ARIH1: variants seen among roughly 807,000 people sequenced by gnomAD.
The protein encoded by ARIH1 is E3 ubiquitin-protein ligase ARIH1.
Under a neutral mutation model 85.0 loss-of-function variants are expected in ARIH1, and 8 were observed. The ratio of observed to expected loss-of-function variants is 0.09; its 90% CI spans 0.06 to 0.17. ARIH1 has a LOEUF of 0.17. ARIH1 is among the 10% of genes least tolerant of loss of function. The pLI is 1.00. For synonymous variants in ARIH1, 238 were observed against 253.6 expected, an observed-to-expected ratio of 0.94 and a Z score of 0.59; for missense variants, 311 against 718.1, an observed-to-expected ratio of 0.43 and a Z score of 6.48.
At chr15:72,476,172 CTAT>C (rs1340942660) in intron 1 of ARIH1, among the ~76,000 whole-genome samples, 1 of 152,016 alleles carries the variant, frequency 6.6e-6, no homozygotes, top group Non-Finnish European at 1.5e-5. Context: ...CGTTGACTTT[CTAT>C]TATTAACTGA....
chr15:72,573,034 A>G (rs531512082), intron 11 of ARIH1, among the ~76,000 whole-genome samples: 1 of 152,304 alleles, frequency 6.6e-6, no homozygotes, highest in East Asian at 1.9e-4. Context: ...TAGTTCCTAC[A>G]TTCACCCATT....
chr15:72,510,986 T>G (rs1482259237), intron 1 of ARIH1, among the ~76,000 whole-genome samples: 1 of 151,062 alleles, frequency 6.6e-6, no homozygotes, highest in African/African-American at 2.5e-5. Flanking sequence ...ATATAAAATT[T>G]AGAATCACTT....
Position 72,563,427 on chromosome 15 carries a change from G to C in ARIH1, c.838G>C (p.Asp280His), listed in dbSNP as rs1218416217. 1 of 1,613,950 alleles carries C rather than the reference G, an allele frequency of 6.2e-7. No homozygotes were observed. Among genetic ancestry groups the C allele is most frequent in the Non-Finnish European group, 8.5e-7 (1 of 1,179,998 alleles). ...NRLLKWCPAP[D>H]CHHVVKVQYP... The stretch of plus-strand genomic sequence containing the variant: ...ACTGTTAAAGTGGTGTCCTGCCCCA[G>C]ATTGCCACCATGTTGTTAAAGTCCA... Residue 280 changes from aspartate (D) to histidine (H), a missense_variant, in exon 7 of 14, where the codon GAT becomes CAT. By Grantham distance (81) the Asp-to-His change is moderately conservative. This residue lies in a region of ARIH1 where 104 missense variants were observed against 221.4 expected (regional missense o/e 0.47). Transcript: ENST00000379887.
chr15:72,532,882 T>G (rs2064063903), intron 2 of ARIH1, among the ~76,000 whole-genome samples: 1 of 152,214 alleles, frequency 6.6e-6, no homozygotes. Context: ...TGCTTCATGA[T>G]TTTAAAAAGA....
At chr15:72,519,500 T>G (rs1313793917) in intron 2 of ARIH1, among the ~76,000 whole-genome samples, 1 of 72,982 alleles carries the variant, frequency 1.4e-5, no homozygotes, top group Admixed American at 1.7e-4. Context: ...TTTTTTTTTT[T>G]GAGACGGAGT....
chr15:72,515,468 G>T (rs2063971040), intron 1 of ARIH1, among the ~76,000 whole-genome samples: 1 of 152,166 alleles, frequency 6.6e-6, no homozygotes, highest in Non-Finnish European at 1.5e-5. Context: ...TCAGTTTTTT[G>T]TTTTTTGTAT....
Position 72,581,007 on chromosome 15 carries a change from G to C in ARIH1, c.1476+16G>C. 1 of 1,605,492 alleles carries C rather than the reference G, an allele frequency of 6.2e-7. No individual in the cohort carries two copies. The highest frequency in any genetic ancestry group is 8.5e-7 in the Non-Finnish European group (1 of 1,174,322). ...TATCTTTGAGGTAGGAGTAGTTCTG[G>C]GTGAGGAAAAAGCCCACCTTGTATC... On this transcript the variant is annotated intron_variant, in intron 12 of 13. Coordinates refer to ENST00000379887, the MANE Select transcript of ARIH1 (RefSeq NM_005744.5).
Position 72,582,961 on chromosome 15 carries a change from G to A in ARIH1, c.1590-247G>A, listed in dbSNP as rs990701587. ...TGATTTCTAAGGTCCATCAGAACTT[G>A]TAACACTTTATTGCTTTAAAATTAA... On this transcript the variant is annotated intron_variant, in intron 13 of 13. Coordinates refer to ENST00000379887, the MANE Select transcript of ARIH1 (RefSeq NM_005744.5). This position sits in a 1 kb window ranked among gnomAD's most constrained non-coding sequence, Gnocchi z 4.6. Among the ~76,000 whole-genome samples the A allele has an allele frequency of 1.3e-5, 2 of 152,160 alleles. No homozygotes were observed. The highest frequency in any genetic ancestry group is 4.8e-5 in the African/African-American group (2 of 41,436).
chr15:72,539,892 G>C lies in ARIH1; in HGVS notation c.444-4928G>C, dbSNP rs79675102. Among the ~76,000 whole-genome samples, 32 of 152,246 alleles carry C rather than the reference G, an allele frequency of 2.1e-4. No individual in the cohort carries two copies. The East Asian group carries it at 6.2e-3, about 29-fold the overall frequency. On this transcript the variant is annotated intron_variant, in intron 2 of 13. Transcript: ENST00000379887. ...GAACACATTTAAACATTAGAATTAT[G>C]TCTAAGTAGTTGGAGGTGATCAAGT...
Position 72,548,388 on chromosome 15 carries a change from A to G in ARIH1, c.588+3424A>G, listed in dbSNP as rs565123799. ...AAAAGATTTAAAAAGTTAATTTGAA[A>G]TGAAATGAAGGAGTGAGGTAGGATG... On this transcript the variant is annotated intron_variant, in intron 3 of 13. Coordinates refer to ENST00000379887, the MANE Select transcript of ARIH1 (RefSeq NM_005744.5). Among the ~76,000 whole-genome samples, 6 of 152,320 alleles carry G rather than the reference A, an allele frequency of 3.9e-5. No individual in the cohort carries two copies. The East Asian group carries it at 1.2e-3, about 29-fold the overall frequency.
chr15:72,481,248 G>A (rs866352198), intron 1 of ARIH1, among the ~76,000 whole-genome samples: 27 of 152,292 alleles, frequency 1.8e-4, no homozygotes, highest in Admixed American at 5.9e-4. Flanking sequence ...CTGGGGATGG[G>A]GTCTGGCTGT....
chr15:72,547,240 C>CTCTCT (rs1008571523), intron 3 of ARIH1, among the ~76,000 whole-genome samples: 32 of 146,954 alleles, frequency 2.2e-4, no homozygotes, highest in East Asian at 1.4e-3. Flanking sequence ...TTCCTTTTCT[C>CTCTCT]TTTTTTTTTT....
At chr15:72,477,615 G>C (rs2063799727) in intron 1 of ARIH1, among the ~76,000 whole-genome samples, 1 of 151,984 alleles carries the variant, frequency 6.6e-6, no homozygotes, top group African/African-American at 2.4e-5. Flanking sequence ...GGTTAGGTTT[G>C]GTCTTCAAAT....
rs1156939794 is a variant in ARIH1 at position 72,579,885 on chromosome 15, A to T, written c.1216-846A>T. ...TGGAATGTTTTGAAATATGTAAACA[A>T]TGCAATGATTAAATCAAACTAATTG... is the stretch of plus-strand genomic sequence containing the variant. On this transcript the variant is annotated intron_variant, in intron 11 of 13. Transcript: ENST00000379887. Among the ~76,000 whole-genome samples the T allele has an allele frequency of 2.6e-5, 4 of 152,338 alleles. No homozygotes were observed. In the East Asian group the frequency reaches 7.7e-4, roughly 29 times the overall value.
chr15:72,564,845 G>GC (rs1183352485), intron 7 of ARIH1, among the ~76,000 whole-genome samples: 3 of 152,100 alleles, frequency 2.0e-5, no homozygotes, highest in East Asian at 3.9e-4. Context: ...AGCTCTCTGG[G>GC]CCCCTTTTTT....
rs375614248 is a variant in ARIH1 at position 72,474,873 on chromosome 15, T to TGGCGGCGGCGGCGGCGGCGGC, written c.237_257dup (p.Gly84_Gly90dup). ...GCGGCAGCGCTCTGGGGCCCGGCGG[T>TGGCGGCGGCGGCGGCGGCGGC]GGCGGCGGCGGCGGCGGCGGCGGTG... is the stretch of plus-strand genomic sequence containing the variant. On this transcript the variant is annotated inframe_insertion, in exon 1 of 14. Coordinates refer to ENST00000379887, the MANE Select transcript of ARIH1 (RefSeq NM_005744.5). 7.1e-7 allele frequency: 1 copy of TGGCGGCGGCGGCGGCGGCGGC among 1,405,450 alleles called. No individual in the cohort carries two copies. Among genetic ancestry groups the TGGCGGCGGCGGCGGCGGCGGC allele is most frequent in the Admixed American group, 2.8e-5 (1 of 36,262 alleles). The allele number at this position is 1,405,450 out of a possible 1,614,324, so 87.1% of individuals were successfully genotyped here. A position where few individuals can be genotyped will look rare whatever the true frequency, so the allele number is the denominator to read the frequency against.
rs2064381429 is a variant in ARIH1 at position 72,601,246 on chromosome 15, C to A, written c.*17954C>A. 6.6e-6 allele frequency: 1 copy of A among 152,208 alleles called. No individual in the cohort carries two copies. The highest frequency in any genetic ancestry group is 2.4e-5 in the African/African-American group (1 of 41,450). The allele number at this position is 152,208 out of a possible 1,614,324, so 9.4% of individuals were successfully genotyped here. The stretch of plus-strand genomic sequence containing the variant: ...CCCTAGATTATCAATTTTTGTCCCC[C>A]TCCCAATTCAGTCTCTACTCATGAG... On this transcript the variant is annotated 3_prime_UTR_variant, in exon 14 of 14. Coordinates refer to ENST00000379887, the MANE Select transcript of ARIH1 (RefSeq NM_005744.5).
intron 7 of ARIH1, among the ~76,000 whole-genome samples, chr15:72,564,376 C>G (rs1271341258): frequency 6.6e-6 from 1 of 152,176 alleles, no homozygotes; most frequent in Non-Finnish European, 1.5e-5. Flanking sequence ...ATGGCCTTTA[C>G]TGTCCATATT....
chr15:72,550,538 G>C (rs2064148994), intron 3 of ARIH1, among the ~76,000 whole-genome samples: 2 of 152,170 alleles, frequency 1.3e-5, no homozygotes, highest in African/African-American at 4.8e-5. Flanking sequence ...GACTCCATTA[G>C]TGATGTGGTA....
Sources: gnomAD v4.1 joint callset for allele counts (sites outside exome capture counted in the v4.1 genomes callset) on GRCh38, gnomAD v4.1.1 for gene constraint, gnomAD v4.1.1 regional missense constraint, Gnocchi (gnomAD v3.1) non-coding constraint, MANE v1.5 for transcripts, NCBI Gene and HGNC (gene_info 2026-07-23, HGNC 2026-07-21) for gene names.